Variants in SETBP1 observed in about 807,000 individuals in gnomAD.
The protein encoded by SETBP1 is SET binding protein 1.
SETBP1 carries 9 observed loss-of-function variants against 101.0 expected under a neutral mutation model. The observed-to-expected ratio is 0.09, with a 90% CI of 0.05 to 0.16. The LOEUF (loss-of-function observed/expected upper bound fraction) is 0.16, where lower values mean the gene tolerates loss of function less well. Ranked by LOEUF, SETBP1 falls within the 10% of genes least tolerant of loss-of-function variation. The pLI is 1.00. For synonymous variants in SETBP1, 818 were observed against 788.5 expected (o/e 1.04, Z -0.63); for missense variants, 1,858 against 2,033.8 (o/e 0.91, Z 1.66).
At chr18:44,699,482 A>C (rs1404110225) in intron 1 of SETBP1, among the ~76,000 whole-genome samples, 1 of 152,226 alleles carries the variant, frequency 6.6e-6, no homozygotes, top group African/African-American at 2.4e-5. Context: ...GAGACAAAAA[A>C]TCTTATCAGT....
At chr18:44,686,777 T>G (rs542267307) in intron 1 of SETBP1, among the ~76,000 whole-genome samples, 2 of 152,216 alleles carry the variant, frequency 1.3e-5, no homozygotes, top group African/African-American at 2.4e-5. Context: ...ATAATTGCTT[T>G]TTATATTTTT....
At chr18:44,790,247 AT>A (rs1198254496) in intron 2 of SETBP1, among the ~76,000 whole-genome samples, 3 of 152,154 alleles carry the variant, frequency 2.0e-5, no homozygotes, top group Non-Finnish European at 4.4e-5. Flanking sequence ...TAAAAAAAAA[AT>A]CTCAACCAAA....
chr18:44,736,457 G>A (rs2069969987), intron 2 of SETBP1, among the ~76,000 whole-genome samples: 1 of 152,148 alleles, frequency 6.6e-6, no homozygotes, highest in African/African-American at 2.4e-5. Flanking sequence ...GGAGAGATCA[G>A]TTTTATAGAC....
chr18:44,952,251 C>T lies in SETBP1; in HGVS notation c.2911C>T (p.His971Tyr). 1.2e-6 allele frequency: 2 copies of T among 1,614,104 alleles called. No homozygotes were observed. The highest frequency in any genetic ancestry group is 1.7e-6 in the Non-Finnish European group (2 of 1,180,016). ...CAAGTTCCAAGTGTTCAGAATCTCC[C>T]ACCGGAGTTACACCTTCTACCACGA... is the stretch of plus-strand genomic sequence containing the variant. The part of the protein sequence containing the change: ...ITKFQVFRIS[H>Y]RSYTFYHENP... Residue 971 changes from histidine to tyrosine, a missense_variant, in exon 4 of 6, where the codon CAC becomes TAC. Transcript: ENST00000649279.
chr18:44,984,027 C>A (rs2072173596), intron 4 of SETBP1, among the ~76,000 whole-genome samples: 1 of 148,138 alleles, frequency 6.8e-6, no homozygotes, highest in African/African-American at 2.4e-5. Flanking sequence ...ATGGTGAAAC[C>A]CCGTCTCTAC....
Position 45,063,609 on chromosome 18 carries a change from C to T in SETBP1, c.4702C>T (p.Pro1568Ser). 3 of 1,593,798 alleles carry T rather than the reference C, an allele frequency of 1.9e-6. No homozygotes were observed. Among genetic ancestry groups the T allele is most frequent in the Non-Finnish European group, 1.7e-6 (2 of 1,170,086 alleles). ...QAPAQPPQQS[P>S]PQQPLPQEEE... ...CCCCGCTCAGCCCCCACAGCAGTCG[C>T]CCCCGCAGCAGCCCCTTCCCCAGGA... is the stretch of plus-strand genomic sequence containing the variant. The change falls in exon 6 of 6, where the codon CCC (proline) becomes TCC (serine). Residue 1568 changes from proline to serine, a missense_variant. Coordinates refer to ENST00000649279, the MANE Select transcript of SETBP1 (RefSeq NM_015559.3).
At position 44,952,172 on chromosome 18, in the gene SETBP1, C is replaced by G. The variant is rs1384153236; in HGVS notation, c.2832C>G (p.Ser944Arg). 1 of 1,614,154 alleles carries G rather than the reference C, an allele frequency of 6.2e-7. No individual in the cohort carries two copies. The highest frequency in any genetic ancestry group is 2.2e-5 in the East Asian group (1 of 44,886). The change falls in exon 4 of 6, where the codon AGC (serine) becomes AGG (arginine). Residue 944 changes from serine to arginine, a missense_variant. By Grantham distance (110) the Ser-to-Arg change is moderately radical. Transcript: ENST00000649279. Reference protein sequence around the residue: ...KKPKHKRKRKSLQNRDDLQFL... With the variant: ...KKPKHKRKRKRLQNRDDLQFL... ...CAAAGCACAAGAGGAAACGGAAAAG[C>G]CTGCAAAACCGCGATGACCTCCAGT... is the stretch of plus-strand genomic sequence containing the variant.
intron 2 of SETBP1, among the ~76,000 whole-genome samples, chr18:44,797,762 C>T (rs1254747858): frequency 2.0e-5 from 3 of 152,304 alleles, no homozygotes; most frequent in East Asian, 3.9e-4. Context: ...CTCATTCCCA[C>T]AGCAATTAGA....
chr18:44,961,257 G>T (rs2145151011), intron 4 of SETBP1, among the ~76,000 whole-genome samples: 1 of 152,334 alleles, frequency 6.6e-6, no homozygotes, highest in African/African-American at 2.4e-5. Flanking sequence ...GAAGAAAGAA[G>T]TGATCAGCAG....
At chr18:44,746,686 C>G (rs916641740) in intron 2 of SETBP1, among the ~76,000 whole-genome samples, 1 of 152,162 alleles carries the variant, frequency 6.6e-6, no homozygotes, top group Non-Finnish European at 1.5e-5. Context: ...TGACTCTTAA[C>G]AATCAGGAAC....
At position 44,952,826 on chromosome 18, in the gene SETBP1, G is replaced by T. The variant is rs756707623; in HGVS notation, c.3486G>T (p.Arg1162=). The T allele has an allele frequency of 1.2e-6, 2 of 1,614,080 alleles. No homozygotes were observed. The highest frequency in any genetic ancestry group is 1.7e-6 in the Non-Finnish European group (2 of 1,180,034). ...ACAAGCATAAGCACAAGGAAGACCGGATCCTAGGGACCCATGACAACCTGA... is the reference window on the plus strand; with the variant it reads ...ACAAGCATAAGCACAAGGAAGACCGTATCCTAGGGACCCATGACAACCTGA... ...HKHKHKHKED[R]ILGTHDNLSG... is the part of the protein sequence containing the mutation. Residue 1162 remains arginine (R), a synonymous_variant, in exon 4 of 6, where the codon CGG becomes CGT. Transcript: ENST00000649279.
intron 2 of SETBP1, among the ~76,000 whole-genome samples, chr18:44,829,539 CGACCAT>C (rs2072311762): frequency 6.6e-6 from 1 of 152,064 alleles, no homozygotes; most frequent in South Asian, 2.1e-4. Context: ...AGAAGAAGGC[CGACCAT>C]GATCAGTTCT....
At chr18:44,969,035 C>A (rs2071782490) in intron 4 of SETBP1, among the ~76,000 whole-genome samples, 1 of 152,158 alleles carries the variant, frequency 6.6e-6, no homozygotes, top group African/African-American at 2.4e-5. Flanking sequence ...GCTTACTATA[C>A]CTCCTGCTAC....
chr18:45,043,361 T>A (rs62090509), intron 5 of SETBP1, among the ~76,000 whole-genome samples: 68 of 53,188 alleles, frequency 1.3e-3, no homozygotes, highest in Middle Eastern at 0.011. Flanking sequence ...TCTCTCTCTC[T>A]CTCTCACACA....
At chr18:44,789,051 C>G (rs951221252) in intron 2 of SETBP1, among the ~76,000 whole-genome samples, 2 of 152,068 alleles carry the variant, frequency 1.3e-5, no homozygotes, top group Non-Finnish European at 2.9e-5. Flanking sequence ...AATTCACCCG[C>G]CTTGACCTCC....
chr18:45,000,284 G>A (rs1301095208), intron 4 of SETBP1, among the ~76,000 whole-genome samples: 1 of 152,240 alleles, frequency 6.6e-6, no homozygotes, highest in Non-Finnish European at 1.5e-5. Flanking sequence ...ACACACTGAT[G>A]TTAGTAGAAT....
chr18:44,846,610 T>A (rs2072730059), intron 2 of SETBP1, among the ~76,000 whole-genome samples: 1 of 152,206 alleles, frequency 6.6e-6, no homozygotes. Context: ...AGAGTTTGAG[T>A]TTCCTGAGCT....
chr18:44,790,720 T>A (rs2071352001), intron 2 of SETBP1, among the ~76,000 whole-genome samples: 1 of 152,216 alleles, frequency 6.6e-6, no homozygotes, highest in South Asian at 2.1e-4. Flanking sequence ...TCTGTTTATT[T>A]GGTCTGGGAG....
At chr18:44,992,610 A>C (rs1408731809) in intron 4 of SETBP1, among the ~76,000 whole-genome samples, 3 of 152,100 alleles carry the variant, frequency 2.0e-5, no homozygotes. Context: ...TACATGGCAC[A>C]GACATAGCTT....
Sources: gnomAD v4.1 joint callset for allele counts (sites outside exome capture counted in the v4.1 genomes callset) on GRCh38, gnomAD v4.1.1 for gene constraint, MANE v1.5 for transcripts, NCBI Gene and HGNC (gene_info 2026-07-23, HGNC 2026-07-21) for gene names.